The following CFAP299 variants were observed in gnomAD, a reference collection of about 807,000 sequenced individuals.
CFAP299 encodes cilia- and flagella-associated protein 299.
In CFAP299, 21 loss-of-function variants were observed where a neutral mutation model predicts 27.0. The ratio of observed to expected loss-of-function variants is 0.78; its 90% CI spans 0.55 to 1.12. The LOEUF (loss-of-function observed/expected upper bound fraction) is 1.12. Among genes scored for constraint, CFAP299 ranks in the 50% most tolerant of loss-of-function variants. The probability of loss-of-function intolerance (pLI) is 0.00; values close to 1 mark genes in which losing one functional copy is unlikely to be tolerated. For synonymous variants in CFAP299, 104 were observed against 98.1 expected (o/e 1.06, Z -0.36); for missense variants, 310 against 276.6 (o/e 1.12, Z -0.86).
intron 4 of CFAP299, among the ~76,000 whole-genome samples, chr4:80,897,428 C>T (rs1734661502): frequency 6.6e-6 from 1 of 152,104 alleles, no homozygotes; most frequent in African/African-American, 2.4e-5. Flanking sequence ...GGTCTGGATC[C>T]TTTAATTGCA....
At chr4:80,667,886 A>G (rs1384840610) in intron 3 of CFAP299, among the ~76,000 whole-genome samples, 2 of 152,010 alleles carry the variant, frequency 1.3e-5, no homozygotes. Flanking sequence ...TAATTTTTTT[A>G]GGAACCTCCA....
At chr4:80,894,180 T>A (rs1342501871) in intron 4 of CFAP299, among the ~76,000 whole-genome samples, 1 of 151,934 alleles carries the variant, frequency 6.6e-6, no homozygotes, top group African/African-American at 2.4e-5. Flanking sequence ...CACCTCACAC[T>A]TGTTAGAATG....
intron 3 of CFAP299, among the ~76,000 whole-genome samples, chr4:80,835,893 A>G (rs755774043): frequency 1.7e-4 from 26 of 152,206 alleles, no homozygotes; most frequent in Non-Finnish European, 3.4e-4. Context: ...TCATGTGATT[A>G]AGACTTACAT....
chr4:80,586,644 A>G (rs1015127717), intron 3 of CFAP299, among the ~76,000 whole-genome samples: 1 of 152,210 alleles, frequency 6.6e-6, no homozygotes, highest in African/African-American at 2.4e-5. Flanking sequence ...TAATAGGATT[A>G]TGTAATTCTT....
At chr4:80,360,180 A>G (rs759832413) in intron 1 of CFAP299, among the ~76,000 whole-genome samples, 1 of 151,908 alleles carries the variant, frequency 6.6e-6, no homozygotes, top group Non-Finnish European at 1.5e-5. Flanking sequence ...TTGCTCCTTG[A>G]GGTTTGGAAT....
chr4:80,893,862 A>G (rs1019480993), intron 4 of CFAP299, among the ~76,000 whole-genome samples: 1 of 151,982 alleles, frequency 6.6e-6, no homozygotes, highest in Admixed American at 6.6e-5. Context: ...AAAATGACAA[A>G]TGGAATTGCA....
At chr4:80,688,449 G>A (rs532360202) in intron 3 of CFAP299, among the ~76,000 whole-genome samples, 1 of 151,968 alleles carries the variant, frequency 6.6e-6, no homozygotes, top group Non-Finnish European at 1.5e-5. Flanking sequence ...TCACACAGCC[G>A]GCCGGGTACT....
intron 2 of CFAP299, among the ~76,000 whole-genome samples, chr4:80,570,223 G>C (rs1027144738): frequency 1.4e-4 from 22 of 151,896 alleles, no homozygotes; most frequent in Non-Finnish European, 2.5e-4. Flanking sequence ...ATTACTTCAG[G>C]GTGGAGAAAG....
At chr4:80,888,567 G>A (rs182206870) in intron 4 of CFAP299, among the ~76,000 whole-genome samples, 21 of 151,880 alleles carry the variant, frequency 1.4e-4, no homozygotes, top group African/African-American at 5.1e-4. Context: ...GATCTCCCAG[G>A]CAGAAAATCA....
At chr4:80,469,758 T>C (rs1189787469) in intron 2 of CFAP299, among the ~76,000 whole-genome samples, 1 of 152,164 alleles carries the variant, frequency 6.6e-6, no homozygotes, top group East Asian at 1.9e-4. Context: ...ATTTTTGCTT[T>C]GGCTGCTAAG....
intron 2 of CFAP299, among the ~76,000 whole-genome samples, chr4:80,530,687 GA>G (rs1248093620): frequency 6.6e-6 from 1 of 152,240 alleles, no homozygotes; most frequent in Non-Finnish European, 1.5e-5. Context: ...CAATGGAGAA[GA>G]GGGGGTATGC....
At chr4:80,875,692 T>C (rs1733339224) in intron 4 of CFAP299, among the ~76,000 whole-genome samples, 1 of 150,232 alleles carries the variant, frequency 6.7e-6, no homozygotes, top group Non-Finnish European at 1.5e-5. Context: ...AGATCTCTCA[T>C]CTCAACTGTC....
chr4:80,464,873 C>T (rs1227191225), intron 2 of CFAP299, among the ~76,000 whole-genome samples: 3 of 151,976 alleles, frequency 2.0e-5, no homozygotes, highest in South Asian at 4.1e-4. Context: ...ATTTTTATGT[C>T]TTTTATTTTT....
At chr4:80,818,496 C>T (rs1729537757) in intron 3 of CFAP299, among the ~76,000 whole-genome samples, 1 of 151,410 alleles carries the variant, frequency 6.6e-6, no homozygotes, top group Non-Finnish European at 1.5e-5. Flanking sequence ...TATGACAATG[C>T]CTTTGCTATT....
chr4:80,723,354 C>A (rs976750489), intron 3 of CFAP299, among the ~76,000 whole-genome samples: 4 of 152,060 alleles, frequency 2.6e-5, no homozygotes, highest in African/African-American at 7.2e-5. Context: ...AAACATACAT[C>A]AATAGGCTAA....
intron 4 of CFAP299, among the ~76,000 whole-genome samples, chr4:80,916,252 AATATATATATAT>A (rs10696316): frequency 0.1 from 6,089 of 60,896 alleles, 383 homozygotes; most frequent in Middle Eastern, 0.32. Context: ...ACTAGACTGA[AATATATATATAT>A]ATATATATAT....
In CFAP299 at chr4:80,878,745, A is replaced by C. The variant is rs530176895; in HGVS notation, c.476+8610A>C. ...GAAAGGATAGTACTTGTGAAAACAG[A>C]ATTTAAGTAGAGTTAAAGCTGTAAG... On this transcript the variant is annotated intron_variant, in intron 4 of 5. Coordinates refer to ENST00000358105, the MANE Select transcript of CFAP299 (RefSeq NM_152770.3). Among the ~76,000 whole-genome samples, 23 of 152,222 alleles carry C rather than the reference A, an allele frequency of 1.5e-4. No individual in the cohort carries two copies. In the South Asian group the frequency reaches 4.8e-3, roughly 32 times the overall value.
chr4:80,723,283 G>T (rs1033814814), intron 3 of CFAP299, among the ~76,000 whole-genome samples: 4 of 152,078 alleles, frequency 2.6e-5, no homozygotes, highest in African/African-American at 9.7e-5. Flanking sequence ...CTCATACAAT[G>T]ATTTGTACAT....
At chr4:80,849,558 A>G (rs1435907971) in intron 3 of CFAP299, among the ~76,000 whole-genome samples, 1 of 152,196 alleles carries the variant, frequency 6.6e-6, no homozygotes, top group Non-Finnish European at 1.5e-5. Context: ...CTATGAATAC[A>G]TTGAGAAGAT....
Sources: gnomAD v4.1 joint callset for allele counts (sites outside exome capture counted in the v4.1 genomes callset) on GRCh38, gnomAD v4.1.1 for gene constraint, MANE v1.5 for transcripts, NCBI Gene and HGNC (gene_info 2026-07-23, HGNC 2026-07-21) for gene names.